KANSL1: variants seen among roughly 807,000 people sequenced by gnomAD.
KANSL1 encodes MLL1/MLL complex subunit KANSL1.
A neutral mutation model predicts 103.6 loss-of-function variants in KANSL1; 22 were observed. That is an observed-to-expected ratio of 0.21 (90% CI 0.15 to 0.30). KANSL1 has a LOEUF of 0.30. Among genes scored for constraint, KANSL1 ranks in the 10% least tolerant of loss-of-function variants. The pLI, the probability that KANSL1 is intolerant of heterozygous loss-of-function variation, is 1.00. For synonymous variants in KANSL1, 600 were observed against 527.6 expected (o/e 1.14, Z -1.88); for missense variants, 1,337 against 1,399.8 (o/e 0.96, Z 0.72).
intron 1 of KANSL1, among the ~76,000 whole-genome samples, chr17:46,219,821 C>T (rs1280749122): frequency 1.3e-5 from 2 of 152,200 alleles, no homozygotes; most frequent in East Asian, 1.9e-4. Context: ...ACTATTCTCT[C>T]GGCTGGGCAC....
At chr17:46,145,200 T>G (rs2044636005) in intron 2 of KANSL1, among the ~76,000 whole-genome samples, 1 of 152,270 alleles carries the variant, frequency 6.6e-6, no homozygotes, top group Non-Finnish European at 1.5e-5. Context: ...AGCAAAGGAC[T>G]TTTCTAATAT....
intron 13 of KANSL1, 71 bp from the exon 14 acceptor site, chr17:46,032,370 A>G: frequency 9.5e-6 from 13 of 1,367,502 alleles, no homozygotes; most frequent in Non-Finnish European, 1.3e-5. Context: ...GCATGAAAAA[A>G]GCATCCCCAC....
chr17:46,173,521 A>G (rs1470944317), intron 1 of KANSL1, among the ~76,000 whole-genome samples: 1 of 152,230 alleles, frequency 6.6e-6, no homozygotes, highest in Non-Finnish European at 1.5e-5. Context: ...GTTGTTCTTT[A>G]AAGTGTGGTC....
intron 3 of KANSL1, among the ~76,000 whole-genome samples, chr17:46,082,990 A>G (rs1240138942): frequency 6.6e-6 from 1 of 152,192 alleles, no homozygotes; most frequent in Admixed American, 6.5e-5. Context: ...ACTGAATGAA[A>G]CAAATGTGGA....
intron 2 of KANSL1, among the ~76,000 whole-genome samples, chr17:46,137,558 A>G (rs931991703): frequency 1.3e-5 from 2 of 152,220 alleles, no homozygotes; most frequent in African/African-American, 4.8e-5. Context: ...TTAATTTGAT[A>G]ATGTCACTTC....
chr17:46,095,457 T>C (rs2042020519), intron 2 of KANSL1, among the ~76,000 whole-genome samples: 1 of 152,186 alleles, frequency 6.6e-6, no homozygotes, highest in Non-Finnish European at 1.5e-5. Flanking sequence ...TAGAACTAGA[T>C]ACATAAAAGA....
chr17:46,088,328 A>G (rs971845920), intron 3 of KANSL1: 2 of 152,238 alleles, frequency 1.3e-5, no homozygotes, highest in African/African-American at 4.8e-5. Context: ...CAAACCAGTG[A>G]CCCCACTGCA....
chr17:46,144,448 C>G (rs1274938116), intron 2 of KANSL1, among the ~76,000 whole-genome samples: 1 of 152,230 alleles, frequency 6.6e-6, no homozygotes, highest in African/African-American at 2.4e-5. Flanking sequence ...ATTTCTGGGA[C>G]TCTCTAAATG....
chr17:46,081,593 C>G (rs756234258), intron 4 of KANSL1, among the ~76,000 whole-genome samples: 1 of 152,204 alleles, frequency 6.6e-6, no homozygotes, highest in Non-Finnish European at 1.5e-5. Context: ...TCTCCAATAT[C>G]TGCCTCAGAG....
chr17:46,205,933 T>C (rs1415525579), intron 1 of KANSL1, among the ~76,000 whole-genome samples: 2 of 151,720 alleles, frequency 1.3e-5, no homozygotes, highest in African/African-American at 4.8e-5. Context: ...AAAAATGAGC[T>C]AGATGTGGTG....
At chr17:46,140,123 T>C (rs1567720544) in intron 2 of KANSL1, among the ~76,000 whole-genome samples, 1 of 152,188 alleles carries the variant, frequency 6.6e-6, no homozygotes. Flanking sequence ...TGTGCACATA[T>C]ACACATACAC....
At chr17:46,038,387 T>C in intron 10 of KANSL1, 151 bp downstream of exon 10, 1 of 782,664 alleles carries the variant, frequency 1.3e-6, no homozygotes, top group South Asian at 2.1e-5. Flanking sequence ...GACTTAAAAA[T>C]GGTACAGACA....
chr17:46,119,508 T>C (rs770944103), intron 2 of KANSL1, among the ~76,000 whole-genome samples: 2 of 152,154 alleles, frequency 1.3e-5, no homozygotes, highest in Admixed American at 6.5e-5. Context: ...GGTTTCACCA[T>C]GTTGGCCAGG....
At chr17:46,070,364 A>T (rs2078530734) in intron 4 of KANSL1, among the ~76,000 whole-genome samples, 1 of 152,184 alleles carries the variant, frequency 6.6e-6, no homozygotes, top group African/African-American at 2.4e-5. Flanking sequence ...ACATACACAG[A>T]TAACAACAAG....
intron 4 of KANSL1, among the ~76,000 whole-genome samples, chr17:46,075,834 C>T (rs2078745928): frequency 6.6e-6 from 1 of 152,164 alleles, no homozygotes; most frequent in Non-Finnish European, 1.5e-5. Context: ...TAATGCCAGG[C>T]TCTTTCAAGC....
At chr17:46,102,030 T>C (rs1435955086) in intron 2 of KANSL1, among the ~76,000 whole-genome samples, 1 of 152,112 alleles carries the variant, frequency 6.6e-6, no homozygotes, top group African/African-American at 2.4e-5. Flanking sequence ...ATCAGTGACA[T>C]TACCACCAAA....
At chr17:46,084,388 C>A (rs1424859435) in intron 3 of KANSL1, among the ~76,000 whole-genome samples, 2 of 151,700 alleles carry the variant, frequency 1.3e-5, no homozygotes, top group East Asian at 3.9e-4. Context: ...TCTCCAACAA[C>A]AACAACAACA....
intron 2 of KANSL1, among the ~76,000 whole-genome samples, chr17:46,136,607 T>C (rs1416613138): frequency 6.6e-6 from 1 of 152,250 alleles, no homozygotes; most frequent in Non-Finnish European, 1.5e-5. Context: ...CATGTCTTCC[T>C]GGCATTTCTC....
intron 2 of KANSL1, among the ~76,000 whole-genome samples, chr17:46,140,141 C>CAT (rs1423353533): frequency 2.0e-5 from 3 of 152,108 alleles, no homozygotes; most frequent in Non-Finnish European, 4.4e-5. Flanking sequence ...CACATACATA[C>CAT]ATATATATTT....
Sources: gnomAD v4.1 joint callset for allele counts (sites outside exome capture counted in the v4.1 genomes callset) on GRCh38, gnomAD v4.1.1 for gene constraint, MANE v1.5 for transcripts, NCBI Gene and HGNC (gene_info 2026-07-23, HGNC 2026-07-21) for gene names.